COQ8A: variants seen among roughly 807,000 people sequenced by gnomAD.
COQ8A encodes coenzyme Q8A.
A neutral mutation model predicts 65.0 loss-of-function variants in COQ8A; 51 were observed. The ratio of observed to expected loss-of-function variants is 0.78; its 90% CI spans 0.63 to 0.99. The LOEUF (loss-of-function observed/expected upper bound fraction) is 0.99, where lower values mean the gene tolerates loss of function less well. Ranked by LOEUF, COQ8A falls within the 50% of genes least tolerant of loss-of-function variation. COQ8A has a pLI of 0.00. For missense variants in COQ8A, 940 were observed against 875.0 expected, an observed-to-expected ratio of 1.07 and a Z score of -0.94; for synonymous variants, 371 against 353.2, an observed-to-expected ratio of 1.05 and a Z score of -0.57.
At chr1:226,948,396 C>T (rs1657177390) in intron 1 of COQ8A, among the ~76,000 whole-genome samples, 1 of 152,316 alleles carries the variant, frequency 6.6e-6, no homozygotes, top group East Asian at 1.9e-4. Flanking sequence ...GATAATCCCC[C>T]ATCTCAGGAT....
intron 1 of COQ8A, among the ~76,000 whole-genome samples, chr1:226,953,770 C>T (rs568196117): frequency 7.6e-4 from 115 of 152,254 alleles, no homozygotes; most frequent in African/African-American, 2.6e-3. Context: ...CTGGACCTCG[C>T]GAGATAGAAG....
At position 226,946,598 on chromosome 1, in the gene COQ8A, A is replaced by G. The variant is rs368820620; in HGVS notation, c.-10+6199A>G. Among the ~76,000 whole-genome samples, 4 of 151,938 alleles carry G rather than the reference A, an allele frequency of 2.6e-5. No individual in the cohort carries two copies. Among genetic ancestry groups the G allele is most frequent in the African/African-American group, 9.7e-5 (4 of 41,342 alleles). On this transcript the variant is annotated intron_variant, in intron 1 of 14. Transcript: ENST00000366777. The surrounding 1 kb of genome is among the most constrained non-coding windows in gnomAD (Gnocchi z 5.3). ...CTTGCACCCTGCTGAGCCTCTTCTCATTTCTCGTTGCGTGTGTGGTTGTTG... is the reference window on the plus strand; with the variant it reads ...CTTGCACCCTGCTGAGCCTCTTCTCGTTTCTCGTTGCGTGTGTGGTTGTTG...
intron 1 of COQ8A, among the ~76,000 whole-genome samples, chr1:226,944,687 T>A (rs539120317): frequency 8.1e-6 from 1 of 123,750 alleles, no homozygotes; most frequent in South Asian, 2.8e-4. Context: ...TGAGGAGTTG[T>A]ACCCTGAGAG....
rs1426081431 is a variant in COQ8A, at chr1:226,986,833, CCTT to C, written c.*97_*99del. 1 of 1,471,730 alleles carries C rather than the reference CCTT, an allele frequency of 6.8e-7. No individual in the cohort carries two copies. The highest frequency in any genetic ancestry group is 2.5e-5 in the East Asian group (1 of 40,720). The allele number at this position is 1,471,730 out of a possible 1,614,324, so 91.2% of individuals were successfully genotyped here. A position where few individuals can be genotyped will look rare whatever the true frequency, so the allele number is the denominator to read the frequency against. On this transcript the variant is annotated 3_prime_UTR_variant, in exon 15 of 15. Coordinates refer to ENST00000366777, the MANE Select transcript of COQ8A (RefSeq NM_020247.5). ...GGTCGTGGTGATGCTCTTTTTAACT[CCTT>C]TGCCCAATAAGGGGGGTGGCTGCCT...
At chr1:226,979,033 G>C (rs948699149) in intron 5 of COQ8A, among the ~76,000 whole-genome samples, 1 of 152,172 alleles carries the variant, frequency 6.6e-6, no homozygotes, top group African/African-American at 2.4e-5. Context: ...GGTCTGGCCG[G>C]GTCAGGTGTG....
chr1:226,958,386 G>C (rs1657938647), intron 1 of COQ8A: 1 of 152,328 alleles, frequency 6.6e-6, no homozygotes, highest in African/African-American at 2.4e-5. Flanking sequence ...GGCAGCGGCA[G>C]CTGGTGGGTA....
intron 1 of COQ8A, among the ~76,000 whole-genome samples, chr1:226,960,537 TGTACTTGGTGGTGGTGTCAATG>T (rs1658176454): frequency 2.5e-4 from 1 of 3,994 alleles, no homozygotes; most frequent in African/African-American, 6.6e-4. Context: ...TGGTGGTGGT[TGTACTTGGTGGTGGTGTCAATG>T]GTACTTGGTG....
At position 226,987,263 on chromosome 1, in the gene COQ8A, GAGGCCC is replaced by G. The variant is rs1660173542; in HGVS notation, c.*532_*537del. The G allele has an allele frequency of 6.2e-6, 1 of 162,108 alleles. No individual in the cohort carries two copies. Among genetic ancestry groups the G allele is most frequent in the Admixed American group, 6.0e-5 (1 of 16,690 alleles). 10.0% of individuals were successfully genotyped at this position (162,108 alleles called of 1,614,324 possible). A position where few individuals can be genotyped will look rare whatever the true frequency, so the allele number is the denominator to read the frequency against. On this transcript the variant is annotated 3_prime_UTR_variant, in exon 15 of 15. Transcript: ENST00000366777. Reference sequence around the variant, plus strand: ...GCCAACAAGTGCTCCTTAAGCCTGCGAGGCCCAGGCCTGTGGGGCTGGTTCTCACCT... The same window carrying G: ...GCCAACAAGTGCTCCTTAAGCCTGCGAGGCCTGTGGGGCTGGTTCTCACCT...
chr1:226,942,287 TA>T (rs1399513973), intron 1 of COQ8A, among the ~76,000 whole-genome samples: 1 of 151,864 alleles, frequency 6.6e-6, no homozygotes, highest in African/African-American at 2.4e-5. Context: ...AACCCAGTGG[TA>T]AAAGCCATGT....
At chr1:226,984,442 A>G in intron 11 of COQ8A, 106 bp from the exon 12 acceptor site, 2 of 1,295,232 alleles carry the variant, frequency 1.5e-6, no homozygotes, top group Non-Finnish European at 2.2e-6. Context: ...AACAGTCCCT[A>G]GGGTAGGGTG....
At chr1:226,940,448 T>G (rs918654980) in intron 1 of COQ8A, 49 bp downstream of exon 1, 1 of 152,310 alleles carries the variant, frequency 6.6e-6, no homozygotes, top group African/African-American at 2.4e-5. Context: ...GCCGTCTGGC[T>G]GCGGCCAGAG....
At chr1:226,968,273 T>C (rs1012270922) in intron 4 of COQ8A, among the ~76,000 whole-genome samples, 42 of 152,234 alleles carry the variant, frequency 2.8e-4, no homozygotes, top group African/African-American at 1.0e-3. Context: ...AGGGAGAGGT[T>C]GCAGTGAGCT....
At chr1:226,957,992 G>A (rs1001837532) in intron 1 of COQ8A, 1 of 152,104 alleles carries the variant, frequency 6.6e-6, no homozygotes, top group African/African-American at 2.4e-5. Context: ...CTGTCCGTGG[G>A]GTTGGGAAGC....
intron 8 of COQ8A, 34 bp downstream of exon 8, chr1:226,983,068 G>A (rs1412961525): frequency 1.9e-6 from 3 of 1,561,192 alleles, no homozygotes; most frequent in Non-Finnish European, 2.6e-6. Flanking sequence ...CTGTCCCTAT[G>A]GGGGCTGCAA....
chr1:226,980,793 T>TG (rs1659636695), intron 5 of COQ8A, among the ~76,000 whole-genome samples: 1 of 152,216 alleles, frequency 6.6e-6, no homozygotes, highest in Non-Finnish European at 1.5e-5. Flanking sequence ...TGTGGGCAGA[T>TG]GCGGGTCTTC....
chr1:226,982,995 C>A lies in COQ8A; in HGVS notation c.1041C>A (p.Ala347=). Residue 347 remains alanine, a synonymous_variant, in exon 8 of 15, where the codon GCC becomes GCA. Coordinates refer to ENST00000366777, the MANE Select transcript of COQ8A (RefSeq NM_020247.5). ...AAASIGQVHL[A]RMKGGREVAM... ...CATCCATTGGGCAGGTGCACTTGGC[C>A]CGAATGAAGGGCGGCCGCGAGGTGG... 2.5e-6 allele frequency: 4 copies of A among 1,599,508 alleles called. No homozygotes were observed. Among genetic ancestry groups the A allele is most frequent in the Non-Finnish European group, 3.4e-6 (4 of 1,173,774 alleles).
intron 1 of COQ8A, among the ~76,000 whole-genome samples, chr1:226,942,912 C>T (rs1361967226): frequency 6.6e-6 from 1 of 152,116 alleles, no homozygotes; most frequent in East Asian, 1.9e-4. Flanking sequence ...AATTTATGCC[C>T]CAAATTTCTA....
In COQ8A at chr1:226,975,400, T is replaced by C. The variant is rs12565025; in HGVS notation, c.656-2049T>C. On this transcript the variant is annotated intron_variant, in intron 4 of 14. Transcript: ENST00000366777. Reference sequence around the variant, plus strand: ...CCGCACGGGGCCTTGGAAATGCGGCTGGTCCACAGTGGGATGTGCTGAGTA... The same window carrying C: ...CCGCACGGGGCCTTGGAAATGCGGCCGGTCCACAGTGGGATGTGCTGAGTA... 2.5e-3 allele frequency among the ~76,000 whole-genome samples: 377 copies of C among 152,304 alleles called. 9 individuals carry two copies. The East Asian group carries it at 0.046, about 19-fold the overall frequency.
At position 226,961,490 on chromosome 1, in the gene COQ8A, G is replaced by A; in HGVS notation, c.105G>A (p.Glu35=). The change falls in exon 2 of 15, where the codon GAG becomes GAA. Residue 35 remains glutamate (E), a synonymous_variant. Transcript: ENST00000366777. ...TGCAGCACTTGGGCATCGGAGGGGA[G>A]CTGATCATGGCGGCCAGGGCCCTGC... The part of the protein sequence containing the change: ...THLQHLGIGG[E]LIMAARALQS... 2.5e-6 allele frequency: 4 copies of A among 1,613,932 alleles called. No individual in the cohort carries two copies. The highest frequency in any genetic ancestry group is 3.4e-6 in the Non-Finnish European group (4 of 1,179,980).
Sources: allele counts gnomAD v4.1 joint callset (sites outside exome capture counted in the v4.1 genomes callset), GRCh38; gene constraint gnomAD v4.1.1; non-coding constraint Gnocchi (gnomAD v3.1); transcripts MANE v1.5; gene names NCBI Gene and HGNC (gene_info 2026-07-23, HGNC 2026-07-21).